Variants in ABCA13 observed in about 807,000 individuals in gnomAD.
ABCA13 encodes ATP-binding cassette sub-family A member 13.
A neutral mutation model predicts 478.7 loss-of-function variants in ABCA13; 476 were observed. The ratio of observed to expected loss-of-function variants is 0.99; its 90% confidence interval spans 0.92 to 1.07. The LOEUF is 1.07. Among genes scored for constraint, ABCA13 ranks in the 50% least tolerant of loss-of-function variants. ABCA13 has a pLI of 0.00. For missense variants in ABCA13, 6,060 were observed against 5,910.6 expected (o/e 1.03, Z -0.83); for synonymous variants, 2,252 against 2,158.9 (o/e 1.04, Z -1.20).
chr7:48,253,945 G>A (rs1056586576), intron 15 of ABCA13, among the ~76,000 whole-genome samples: 7 of 151,184 alleles, frequency 4.6e-5, no homozygotes, highest in African/African-American at 1.7e-4. Flanking sequence ...GTGTCTGTGT[G>A]TGTGTTCGTG....
At chr7:48,248,683 ATCCCTGGTAAG>A (rs1349963836) in intron 14 of ABCA13, among the ~76,000 whole-genome samples, 4 of 152,228 alleles carry the variant, frequency 2.6e-5, no homozygotes, top group South Asian at 4.1e-4. Flanking sequence ...GAAATTGAGG[ATCCCTGGTAAG>A]TCCAAGGTAT....
intron 1 of ABCA13, among the ~76,000 whole-genome samples, chr7:48,175,852 C>T (rs1794792291): frequency 6.6e-6 from 1 of 152,042 alleles, no homozygotes; most frequent in South Asian, 2.1e-4. Flanking sequence ...TCCCTACCTT[C>T]ACCAGCTACT....
At chr7:48,292,265 C>G (rs978869601) in intron 20 of ABCA13, among the ~76,000 whole-genome samples, 1 of 152,094 alleles carries the variant, frequency 6.6e-6, no homozygotes, top group African/African-American at 2.4e-5. Context: ...CCAGGGACAA[C>G]AACCTTGGCA....
At chr7:48,386,081 A>T (rs976454692) in intron 35 of ABCA13, among the ~76,000 whole-genome samples, 2 of 152,190 alleles carry the variant, frequency 1.3e-5, no homozygotes, top group Admixed American at 6.5e-5. Context: ...ATAGTTAAGC[A>T]TTCCTATACA....
intron 41 of ABCA13, among the ~76,000 whole-genome samples, chr7:48,425,730 C>CTTAT (rs145744455): frequency 0.22 from 24,665 of 113,650 alleles, 2,087 homozygotes; most frequent in East Asian, 0.37. Context: ...TATAATATGT[C>CTTAT]TTATTTATTT....
chr7:48,231,158 A>C (rs1384195262), intron 7 of ABCA13, among the ~76,000 whole-genome samples: 5 of 151,762 alleles, frequency 3.3e-5, no homozygotes, highest in Non-Finnish European at 7.4e-5. Flanking sequence ...TGTATCCCGG[A>C]ACTTAAAGTT....
At chr7:48,457,273 A>ACC (rs1297723788) in intron 43 of ABCA13, among the ~76,000 whole-genome samples, 7 of 139,184 alleles carry the variant, frequency 5.0e-5, no homozygotes, top group Admixed American at 5.0e-4. Flanking sequence ...ATTAAGCATC[A>ACC]TCTATATATA....
rs1806150843 is a variant in ABCA13, at chr7:48,335,677, T to G, written c.10113+142T>G. 3.7e-5 allele frequency: 19 copies of G among 508,538 alleles called. No individual in the cohort carries two copies. In the South Asian group the frequency reaches 1.1e-3, roughly 31 times the overall value. The allele number at this position is 508,538 out of a possible 1,614,324, so 31.5% of individuals were successfully genotyped here. On this transcript the variant is annotated intron_variant, in intron 28 of 61. Transcript: ENST00000435803. ...TTGACTCATATAATTGACATAAAACTAGAGATGTGTGAAAACTTTTTGTGA... is the reference window on the plus strand; with the variant it reads ...TTGACTCATATAATTGACATAAAACGAGAGATGTGTGAAAACTTTTTGTGA...
In ABCA13 at chr7:48,274,597, C is replaced by T. The variant is rs1398995639; in HGVS notation, c.4931C>T (p.Pro1644Leu). 2 of 1,613,792 alleles carry T rather than the reference C, an allele frequency of 1.2e-6. No individual in the cohort carries two copies. The highest frequency in any genetic ancestry group is 2.7e-5 in the African/African-American group (2 of 74,906). The change falls in exon 17 of 62, where the codon CCT becomes CTT. Residue 1644 changes from proline to leucine, a missense_variant. Transcript: ENST00000435803. ...LIRDVFNSLMPVVHHTSPQNA... is the reference protein window; with the variant it reads ...LIRDVFNSLMLVVHHTSPQNA... ...AGGGATGTGTTCAACTCCTTAATGC[C>T]TGTAGTTCATCACACTAGTCCACAA...
At chr7:48,294,571 C>G (rs997267551) in intron 20 of ABCA13, among the ~76,000 whole-genome samples, 1 of 151,372 alleles carries the variant, frequency 6.6e-6, no homozygotes, top group Non-Finnish European at 1.5e-5. Flanking sequence ...CTCAGCCTCC[C>G]GAGTAGCTGG....
chr7:48,492,236 GC>G (rs1829905487), intron 48 of ABCA13, among the ~76,000 whole-genome samples: 1 of 151,964 alleles, frequency 6.6e-6, no homozygotes, highest in Non-Finnish European at 1.5e-5. Context: ...TTGCATCACT[GC>G]CCTGCCATCC....
intron 55 of ABCA13, among the ~76,000 whole-genome samples, chr7:48,562,467 C>A (rs1321984745): frequency 6.6e-6 from 1 of 151,876 alleles, no homozygotes; most frequent in Non-Finnish European, 1.5e-5. Context: ...GGCAAGGGAC[C>A]ATGGGGAATG....
intron 45 of ABCA13, among the ~76,000 whole-genome samples, chr7:48,473,407 G>T (rs545283519): frequency 1.3e-5 from 2 of 152,162 alleles, no homozygotes; most frequent in South Asian, 4.1e-4. Flanking sequence ...TACACAGGAG[G>T]CCCCTTTCTG....
At chr7:48,414,095 G>T (rs1336042594) in intron 41 of ABCA13, among the ~76,000 whole-genome samples, 1 of 152,222 alleles carries the variant, frequency 6.6e-6, no homozygotes, top group Non-Finnish European at 1.5e-5. Flanking sequence ...ACAAAAAGCA[G>T]CCTAATAAAC....
At chr7:48,477,654 A>T (rs1485664462) in intron 45 of ABCA13, among the ~76,000 whole-genome samples, 1 of 148,206 alleles carries the variant, frequency 6.7e-6, no homozygotes, top group Non-Finnish European at 1.5e-5. Flanking sequence ...AAAACCAAAC[A>T]CTGCATGTTC....
At chr7:48,576,032 C>T (rs1788145354) in intron 55 of ABCA13, among the ~76,000 whole-genome samples, 1 of 152,052 alleles carries the variant, frequency 6.6e-6, no homozygotes, top group South Asian at 2.1e-4. Context: ...AGCATAACCA[C>T]CGTTTATATA....
chr7:48,236,843 C>T (rs1180677064), intron 8 of ABCA13, among the ~76,000 whole-genome samples: 2 of 152,118 alleles, frequency 1.3e-5, no homozygotes, highest in Admixed American at 6.5e-5. Context: ...TCCCACCCTT[C>T]GTAAGTGTAA....
intron 56 of ABCA13, among the ~76,000 whole-genome samples, chr7:48,584,377 GAA>G (rs1042489842): frequency 7.2e-5 from 11 of 152,204 alleles, no homozygotes; most frequent in African/African-American, 2.7e-4. Context: ...ACAATGATGA[GAA>G]AAGTAAAATT....
intron 1 of ABCA13, among the ~76,000 whole-genome samples, chr7:48,184,626 C>G (rs1796124618): frequency 6.6e-6 from 1 of 151,998 alleles, no homozygotes; most frequent in Admixed American, 6.5e-5. Context: ...TCAAGTCCAG[C>G]CTGGCTAACA....
Sources: allele counts gnomAD v4.1 joint callset (sites outside exome capture counted in the v4.1 genomes callset), GRCh38; gene constraint gnomAD v4.1.1; transcripts MANE v1.5; gene names NCBI Gene and HGNC (gene_info 2026-07-23, HGNC 2026-07-21).